Variants in CTNNA3 observed in about 807,000 individuals in gnomAD.
CTNNA3 encodes the protein catenin alpha 3.
A neutral mutation model predicts 95.7 loss-of-function variants in CTNNA3; 76 were observed. The observed-to-expected ratio is 0.79, with a 90% confidence interval of 0.66 to 0.96. The LOEUF is 0.96. Among genes scored for constraint, CTNNA3 ranks in the 40% least tolerant of loss-of-function variants. The pLI, the probability that CTNNA3 is intolerant of heterozygous loss-of-function variation, is 0.00. For missense variants in CTNNA3, 1,191 were observed against 1,089.8 expected (o/e 1.09, Z -1.31); for synonymous variants, 431 against 374.4 (o/e 1.15, Z -1.74).
intron 10 of CTNNA3, among the ~76,000 whole-genome samples, chr10:66,530,358 T>G (rs1589382400): frequency 1.3e-5 from 2 of 152,182 alleles, no homozygotes; most frequent in African/African-American, 4.8e-5. Context: ...TTCTAGCAAC[T>G]GGAGTAATGG....
At chr10:66,171,077 G>T (rs2085401381) in intron 13 of CTNNA3, among the ~76,000 whole-genome samples, 1 of 152,084 alleles carries the variant, frequency 6.6e-6, no homozygotes, top group African/African-American at 2.4e-5. Flanking sequence ...AGATTGCAGT[G>T]AGCCGAGATG....
chr10:67,183,698 A>G (rs560382769), intron 6 of CTNNA3, among the ~76,000 whole-genome samples: 49 of 152,210 alleles, frequency 3.2e-4, no homozygotes, highest in African/African-American at 1.2e-3. Context: ...ATTAAAAAAT[A>G]AATAAATAAA....
intron 13 of CTNNA3, among the ~76,000 whole-genome samples, chr10:66,259,565 TCACCCTG>T (rs1216127183): frequency 1.3e-5 from 2 of 152,200 alleles, no homozygotes; most frequent in African/African-American, 4.8e-5. Flanking sequence ...GTACATAACT[TCACCCTG>T]CACTCTTCAA....
At chr10:67,142,154 G>A (rs1359133443) in intron 7 of CTNNA3, among the ~76,000 whole-genome samples, 5 of 152,034 alleles carry the variant, frequency 3.3e-5, no homozygotes, top group Admixed American at 6.6e-5. Context: ...ATATTAGGAC[G>A]TAGTCGGGGG....
At position 67,336,189 on chromosome 10, in the gene CTNNA3, G is replaced by A. The variant is rs74142489; in HGVS notation, c.580-116319C>T. Among the ~76,000 whole-genome samples, 334 of 152,072 alleles carry A rather than the reference G, an allele frequency of 2.2e-3. 1 individual carries two copies. The highest frequency in any genetic ancestry group is 7.6e-3 in the African/African-American group (317 of 41,476). On this transcript the variant is annotated intron_variant, in intron 5 of 17. Transcript: ENST00000433211. ...ATCTCCTCCATCTCTCCTTCTCCTAGGGCTTTTTTATTCCTTGAGATACAA... is the reference window on the plus strand; with the variant it reads ...ATCTCCTCCATCTCTCCTTCTCCTAAGGCTTTTTTATTCCTTGAGATACAA...
At chr10:66,557,945 G>T (rs1842441438) in intron 10 of CTNNA3, among the ~76,000 whole-genome samples, 1 of 152,006 alleles carries the variant, frequency 6.6e-6, no homozygotes, top group South Asian at 2.1e-4. Flanking sequence ...AGATATAACA[G>T]TTCACTAGTA....
intron 5 of CTNNA3, among the ~76,000 whole-genome samples, chr10:67,365,360 C>A (rs1222372137): frequency 6.6e-6 from 1 of 152,070 alleles, no homozygotes; most frequent in East Asian, 1.9e-4. Context: ...ACAACAAAAG[C>A]CAAAATAGAC....
intron 15 of CTNNA3, among the ~76,000 whole-genome samples, chr10:66,043,233 G>C (rs954107193): frequency 6.0e-5 from 9 of 149,878 alleles, no homozygotes; most frequent in African/African-American, 1.2e-4. Context: ...AAGGACATGT[G>C]GGGGAAAAAC....
intron 7 of CTNNA3, among the ~76,000 whole-genome samples, chr10:67,130,920 A>G (rs1859970061): frequency 6.6e-6 from 1 of 152,088 alleles, no homozygotes; most frequent in Non-Finnish European, 1.5e-5. Flanking sequence ...ACAGGCATCA[A>G]GAAGGTAAGT....
intron 1 of CTNNA3, among the ~76,000 whole-genome samples, chr10:67,735,146 AACACAC>A (rs200624685): frequency 1.9e-3 from 163 of 85,874 alleles, no homozygotes; most frequent in Middle Eastern, 4.9e-3. Flanking sequence ...CACACACACA[AACACAC>A]ACACACACAC....
In CTNNA3 at chr10:67,188,988, A is replaced by G. The variant is rs1862993750; in HGVS notation, c.844-8468T>C. On this transcript the variant is annotated intron_variant, in intron 6 of 17. Coordinates refer to ENST00000433211, the MANE Select transcript of CTNNA3 (RefSeq NM_013266.4). ...AAAAATTAGCCAGGCGTGGTGGCGC[A>G]TGCCTGTAGTTCCAGCTACTCGGGA... 2.6e-5 allele frequency among the ~76,000 whole-genome samples: 4 copies of G among 151,974 alleles called. No individual in the cohort carries two copies. The South Asian group carries it at 8.3e-4, about 32-fold the overall frequency.
In CTNNA3 at chr10:66,526,743, T is replaced by C. The variant is rs543359117; in HGVS notation, c.1375-5970A>G. Among the ~76,000 whole-genome samples the C allele has an allele frequency of 3.9e-5, 6 of 152,328 alleles. No individual in the cohort carries two copies. In the South Asian group the frequency reaches 1.2e-3, roughly 32 times the overall value. ...TTCATGTGCTTATTGACGAACTGTTTATCTTCTTTGGAGAAATGTCTATTC... is the reference window on the plus strand; with the variant it reads ...TTCATGTGCTTATTGACGAACTGTTCATCTTCTTTGGAGAAATGTCTATTC... On this transcript the variant is annotated intron_variant, in intron 10 of 17. Transcript: ENST00000433211.
chr10:66,144,580 C>T (rs1358075201), intron 13 of CTNNA3, among the ~76,000 whole-genome samples: 2 of 151,932 alleles, frequency 1.3e-5, no homozygotes, highest in South Asian at 2.1e-4. Context: ...CTCTGCTTCC[C>T]GGGTTCAAGT....
chr10:67,538,654 G>C (rs532033480), intron 4 of CTNNA3, among the ~76,000 whole-genome samples: 16 of 151,866 alleles, frequency 1.1e-4, no homozygotes, highest in South Asian at 2.1e-4. Flanking sequence ...AGCAGTTAGA[G>C]AAAATGATTT....
At chr10:65,970,815 A>G (rs1203476382) in intron 16 of CTNNA3, among the ~76,000 whole-genome samples, 2 of 151,022 alleles carry the variant, frequency 1.3e-5, no homozygotes, top group Non-Finnish European at 3.0e-5. Context: ...GAATTCAACA[A>G]AAAGTCTTAA....
intron 10 of CTNNA3, among the ~76,000 whole-genome samples, chr10:66,523,457 A>T (rs1589373499): frequency 6.6e-6 from 1 of 152,198 alleles, no homozygotes; most frequent in Admixed American, 6.5e-5. Flanking sequence ...AATTCAGAAG[A>T]ATTCTTCTAA....
chr10:66,607,229 C>T (rs1182499402), intron 10 of CTNNA3, among the ~76,000 whole-genome samples: 1 of 151,772 alleles, frequency 6.6e-6, no homozygotes, highest in Non-Finnish European at 1.5e-5. Flanking sequence ...GACAGAGCCA[C>T]GAAGGAACTG....
chr10:67,259,754 C>A (rs574788425), intron 5 of CTNNA3, among the ~76,000 whole-genome samples: 1 of 152,134 alleles, frequency 6.6e-6, no homozygotes, highest in African/African-American at 2.4e-5. Context: ...AGTTTCTCAG[C>A]TGCAGGATAC....
chr10:67,493,391 C>A (rs1264046878), intron 5 of CTNNA3, among the ~76,000 whole-genome samples: 2 of 151,978 alleles, frequency 1.3e-5, no homozygotes, highest in Non-Finnish European at 1.5e-5. Flanking sequence ...GAAACCCCGT[C>A]TCTACTAAAA....
Sources: gnomAD v4.1 joint callset for allele counts (sites outside exome capture counted in the v4.1 genomes callset) on GRCh38, gnomAD v4.1.1 for gene constraint, MANE v1.5 for transcripts, NCBI Gene and HGNC (gene_info 2026-07-23, HGNC 2026-07-21) for gene names.